Variants in KCND2 observed in about 807,000 individuals in gnomAD.
KCND2 encodes A-type voltage-gated potassium channel KCND2.
A neutral mutation model predicts 54.4 loss-of-function variants in KCND2; 16 were observed. The observed-to-expected ratio is 0.29, with a 90% CI of 0.20 to 0.45. The LOEUF (loss-of-function observed/expected upper bound fraction) is 0.45. KCND2 is among the 20% of genes least tolerant of loss of function. The pLI is 1.00. For missense variants in KCND2, 486 were observed against 824.2 expected (o/e 0.59, Z 5.02); for synonymous variants, 317 against 310.7 (o/e 1.02, Z -0.21).
chr7:120,704,851 A>G (rs752332086), intron 1 of KCND2, among the ~76,000 whole-genome samples: 21 of 152,182 alleles, frequency 1.4e-4, no homozygotes, highest in Admixed American at 1.4e-3. Context: ...TGGTTTAGAA[A>G]TAATGCATGT....
chr7:120,490,054 C>G (rs1024532821), intron 1 of KCND2, among the ~76,000 whole-genome samples: 3 of 152,116 alleles, frequency 2.0e-5, no homozygotes, highest in Non-Finnish European at 4.4e-5. Flanking sequence ...TCAGAGTGGC[C>G]TGGAAGTCTG....
intron 2 of KCND2, among the ~76,000 whole-genome samples, chr7:120,734,920 G>T (rs1792852453): frequency 6.6e-6 from 1 of 151,992 alleles, no homozygotes; most frequent in South Asian, 2.1e-4. Context: ...AGCCTCTTAA[G>T]TAAAGTATAC....
chr7:120,560,227 G>T (rs867010746), intron 1 of KCND2, among the ~76,000 whole-genome samples: 6 of 152,084 alleles, frequency 3.9e-5, no homozygotes, highest in Admixed American at 1.3e-4. Flanking sequence ...CAAAGTCCCA[G>T]AAATCATTTT....
At chr7:120,391,560 G>A (rs151184974) in intron 1 of KCND2, among the ~76,000 whole-genome samples, 5 of 152,012 alleles carry the variant, frequency 3.3e-5, no homozygotes, top group African/African-American at 9.6e-5. Flanking sequence ...CTATTTCTCC[G>A]CAACCTCGTC....
chr7:120,339,157 C>T (rs1216785659), intron 1 of KCND2, among the ~76,000 whole-genome samples: 1 of 151,526 alleles, frequency 6.6e-6, no homozygotes, highest in Non-Finnish European at 1.5e-5. Context: ...TCCCAAAGTG[C>T]TGGGATTACA....
intron 1 of KCND2, among the ~76,000 whole-genome samples, chr7:120,712,322 G>A (rs1290510970): frequency 1.9e-4 from 24 of 125,446 alleles, no homozygotes; most frequent in Non-Finnish European, 3.6e-4. Flanking sequence ...GGAGTGCAGT[G>A]GCGTGATCTT....
intron 2 of KCND2, among the ~76,000 whole-genome samples, chr7:120,739,737 G>A (rs1325776502): frequency 6.6e-6 from 1 of 151,732 alleles, no homozygotes; most frequent in Non-Finnish European, 1.5e-5. Flanking sequence ...CAAATGATAT[G>A]TGTGAAAGGC....
At chr7:120,463,676 C>T (rs1802320147) in intron 1 of KCND2, among the ~76,000 whole-genome samples, 1 of 152,004 alleles carries the variant, frequency 6.6e-6, no homozygotes, top group Admixed American at 6.6e-5. Context: ...CAGAAAGAAG[C>T]AAAGGAGGCA....
intron 1 of KCND2, among the ~76,000 whole-genome samples, chr7:120,683,594 A>T (rs529636471): frequency 1.8e-4 from 27 of 152,332 alleles, no homozygotes; most frequent in African/African-American, 6.5e-4. Flanking sequence ...CATTTCATGC[A>T]TGTACAATTC....
intron 1 of KCND2, among the ~76,000 whole-genome samples, chr7:120,564,686 A>G (rs1792275475): frequency 6.6e-6 from 1 of 152,148 alleles, no homozygotes; most frequent in Non-Finnish European, 1.5e-5. Context: ...TGTGTTTAAT[A>G]ATTCTTATGA....
At chr7:120,461,771 C>G (rs937314110) in intron 1 of KCND2, among the ~76,000 whole-genome samples, 3 of 151,968 alleles carry the variant, frequency 2.0e-5, no homozygotes, top group African/African-American at 7.2e-5. Context: ...GATTTCTGTT[C>G]CCATTTAATT....
In KCND2 at chr7:120,747,710, AGT is replaced by A. The variant is rs1159253632; in HGVS notation, c.1750_1751del (p.Val584Ter). ...TCCAGTTTAAATGCCAAAATGGAAG[AGT>A]GTGTTAAACTAAACTGTGAACAACC... On this transcript the variant is annotated frameshift_variant, in exon 6 of 6. Coordinates refer to ENST00000331113, the MANE Select transcript of KCND2 (RefSeq NM_012281.3). LOFTEE classifies it high-confidence loss of function. 1 of 1,612,670 alleles carries A rather than the reference AGT, an allele frequency of 6.2e-7. No homozygotes were observed. Among genetic ancestry groups the A allele is most frequent in the Non-Finnish European group, 8.5e-7 (1 of 1,178,970 alleles).
chr7:120,650,835 T>A (rs1346321376), intron 1 of KCND2, among the ~76,000 whole-genome samples: 1 of 143,854 alleles, frequency 7.0e-6, no homozygotes, highest in Non-Finnish European at 1.5e-5. Context: ...CTTCTAACAG[T>A]CAGGACCCTC....
chr7:120,650,584 T>A (rs1791717570), intron 1 of KCND2, among the ~76,000 whole-genome samples: 1 of 143,664 alleles, frequency 7.0e-6, no homozygotes, highest in African/African-American at 2.7e-5. Flanking sequence ...CTCGGAGAAG[T>A]TTGATCGTCT....
At chr7:120,398,939 C>T (rs935118504) in intron 1 of KCND2, among the ~76,000 whole-genome samples, 5 of 151,882 alleles carry the variant, frequency 3.3e-5, no homozygotes, top group Admixed American at 6.6e-5. Context: ...GCTGATAAAC[C>T]AACCAGCTTG....
At chr7:120,387,081 C>T (rs1432579920) in intron 1 of KCND2, among the ~76,000 whole-genome samples, 1 of 151,962 alleles carries the variant, frequency 6.6e-6, no homozygotes, top group Non-Finnish European at 1.5e-5. Flanking sequence ...ATCTGTCTTC[C>T]CCCACTAAAA....
chr7:120,463,094 G>A (rs540707523), intron 1 of KCND2, among the ~76,000 whole-genome samples: 1 of 152,150 alleles, frequency 6.6e-6, no homozygotes, highest in South Asian at 2.1e-4. Flanking sequence ...GGTGAAGGTA[G>A]CATCTAACTT....
At chr7:120,633,587 TC>T (rs111906311) in intron 1 of KCND2, among the ~76,000 whole-genome samples, 12 of 152,190 alleles carry the variant, frequency 7.9e-5, no homozygotes, top group African/African-American at 2.9e-4. Flanking sequence ...TATATAACTC[TC>T]CCCCCAAAAC....
At chr7:120,420,863 T>C (rs752968063) in intron 1 of KCND2, among the ~76,000 whole-genome samples, 6 of 152,200 alleles carry the variant, frequency 3.9e-5, no homozygotes, top group Non-Finnish European at 7.3e-5. Flanking sequence ...TCCCGCATTA[T>C]TAATCATTCG....
Sources: gnomAD v4.1 joint callset for allele counts (sites outside exome capture counted in the v4.1 genomes callset) on GRCh38, gnomAD v4.1.1 for gene constraint, MANE v1.5 for transcripts, NCBI Gene and HGNC (gene_info 2026-07-23, HGNC 2026-07-21) for gene names.